The following FAM178B variants were observed in gnomAD, a reference collection of about 807,000 sequenced individuals.
The protein encoded by FAM178B is protein FAM178B.
FAM178B carries 82 observed loss-of-function variants against 91.7 expected under a neutral mutation model. The ratio of observed to expected loss-of-function variants is 0.89; its 90% CI spans 0.75 to 1.07. The LOEUF (loss-of-function observed/expected upper bound fraction) is 1.07, where lower values mean the gene tolerates loss of function less well. Ranked by LOEUF, FAM178B falls within the 50% of genes least tolerant of loss-of-function variation. The pLI is 0.00. For missense variants in FAM178B, 769 were observed against 846.7 expected, an observed-to-expected ratio of 0.91 and a Z score of 1.14; for synonymous variants, 368 against 359.4, an observed-to-expected ratio of 1.02 and a Z score of -0.27.
At position 96,910,714 on chromosome 2, in the gene FAM178B, T is replaced by C. The variant is rs79600262; in HGVS notation, c.1563-8007A>G. On this transcript the variant is annotated intron_variant, in intron 12 of 16. Coordinates refer to ENST00000490605, the MANE Select transcript of FAM178B (RefSeq NM_001122646.3). ...CTGCAGCCTTTAATGCTTCCCTTCTTTTCCTCACTGGGCTCCTTTGTAATC... is the reference window on the plus strand; with the variant it reads ...CTGCAGCCTTTAATGCTTCCCTTCTCTTCCTCACTGGGCTCCTTTGTAATC... Among the ~76,000 whole-genome samples, 358 of 152,194 alleles carry C rather than the reference T, an allele frequency of 2.4e-3. 2 individuals are homozygous for C. Among genetic ancestry groups the C allele is most frequent in the African/African-American group, 8.2e-3 (341 of 41,520 alleles).
chr2:96,946,422 G>A (rs1017768604), intron 8 of FAM178B, among the ~76,000 whole-genome samples: 9 of 152,126 alleles, frequency 5.9e-5, no homozygotes, highest in South Asian at 2.1e-4. Flanking sequence ...CTAATGGACC[G>A]GGCCTCTCAC....
intron 1 of FAM178B, among the ~76,000 whole-genome samples, chr2:96,973,988 G>T (rs573160261): frequency 6.6e-6 from 1 of 152,128 alleles, no homozygotes; most frequent in African/African-American, 2.4e-5. Context: ...GAGCAACAGA[G>T]TGAGACTCTG....
At chr2:96,897,667 C>T (rs1014565960) in intron 13 of FAM178B, among the ~76,000 whole-genome samples, 4 of 152,210 alleles carry the variant, frequency 2.6e-5, no homozygotes, top group East Asian at 3.8e-4. Context: ...CACTTCTCAC[C>T]GCCCACGCTG....
chr2:96,974,192 C>T (rs957605716), intron 1 of FAM178B, among the ~76,000 whole-genome samples: 6 of 151,334 alleles, frequency 4.0e-5, no homozygotes, highest in African/African-American at 1.5e-4. Flanking sequence ...ACCATCCTGG[C>T]TAACACAGTG....
chr2:96,951,139 C>T (rs532120216), intron 7 of FAM178B, among the ~76,000 whole-genome samples: 1 of 152,242 alleles, frequency 6.6e-6, no homozygotes, highest in East Asian at 1.9e-4. Flanking sequence ...GCAGAGGCTC[C>T]CAGCGCTCGC....
chr2:96,935,022 A>G (rs2081601336), intron 8 of FAM178B, among the ~76,000 whole-genome samples: 1 of 152,050 alleles, frequency 6.6e-6, no homozygotes, highest in African/African-American at 2.4e-5. Context: ...TGTAACTCAC[A>G]CCACTGCCTG....
intron 12 of FAM178B, among the ~76,000 whole-genome samples, chr2:96,913,321 G>C (rs1468031083): frequency 1.3e-5 from 2 of 152,162 alleles, no homozygotes; most frequent in African/African-American, 4.8e-5. Flanking sequence ...CAGCCTGAAG[G>C]GGTCAAGAGC....
Position 96,876,097 on chromosome 2 carries a change from A to C in FAM178B, c.*179T>G, listed in dbSNP as rs2080234649. ...GAGGAGAGGGGGTCGGGGCGGTGGC[A>C]GAGGCAGGCTCTTGCAGAGAGGAGA... is the stretch of plus-strand genomic sequence containing the variant. On this transcript the variant is annotated 3_prime_UTR_variant, in exon 17 of 17. Transcript: ENST00000490605. 8.0e-6 allele frequency: 5 copies of C among 626,956 alleles called. No homozygotes were observed. Among genetic ancestry groups the C allele is most frequent in the Admixed American group, 2.9e-5 (1 of 34,152 alleles). 38.8% of individuals were successfully genotyped at this position (626,956 alleles called of 1,614,324 possible).
intron 1 of FAM178B, among the ~76,000 whole-genome samples, chr2:96,974,436 T>A (rs1342764571): frequency 1.6e-5 from 2 of 124,932 alleles, no homozygotes; most frequent in Non-Finnish European, 3.5e-5. Flanking sequence ...AACAATATAC[T>A]ACAAGAAAAT....
At chr2:96,884,810 C>T (rs2080476335) in intron 14 of FAM178B, among the ~76,000 whole-genome samples, 1 of 152,222 alleles carries the variant, frequency 6.6e-6, no homozygotes, top group African/African-American at 2.4e-5. Flanking sequence ...AAGAAGGAAG[C>T]AGAGGGCGGT....
intron 9 of FAM178B, among the ~76,000 whole-genome samples, chr2:96,924,181 G>A (rs1411353325): frequency 6.6e-6 from 1 of 152,152 alleles, no homozygotes; most frequent in African/African-American, 2.4e-5. Flanking sequence ...TAGTTTTCCA[G>A]GACTTGGAAA....
intron 9 of FAM178B, among the ~76,000 whole-genome samples, chr2:96,925,414 A>G (rs2081420622): frequency 6.6e-6 from 1 of 152,174 alleles, no homozygotes; most frequent in South Asian, 2.1e-4. Context: ...CTAATGGGCA[A>G]CATAATGGGG....
intron 13 of FAM178B, among the ~76,000 whole-genome samples, chr2:96,898,414 G>T (rs940649257): frequency 1.3e-5 from 2 of 152,196 alleles, no homozygotes; most frequent in Non-Finnish European, 2.9e-5. Context: ...CAGCACTTTG[G>T]GAGGCTAAGG....
chr2:96,903,456 C>T (rs1458798318), intron 12 of FAM178B, among the ~76,000 whole-genome samples: 1 of 152,230 alleles, frequency 6.6e-6, no homozygotes, highest in Non-Finnish European at 1.5e-5. Flanking sequence ...GTTTTCTTTT[C>T]ACCCAGTATC....
chr2:96,972,123 G>T lies in FAM178B; in HGVS notation c.342C>A (p.Pro114=). Reference sequence around the variant, plus strand: ...GCACCCTCGGGTTGAGGAATTCCACGGGCGGGGGGCTCCAGTCAGTGGGAA... The same window carrying T: ...GCACCCTCGGGTTGAGGAATTCCACTGGCGGGGGGCTCCAGTCAGTGGGAA... The part of the protein sequence containing the change: ...ETFPTDWSPP[P]VEFLNPRVLQ... Residue 114 remains proline, a synonymous_variant, in exon 3 of 17, where the codon CCC becomes CCA. Coordinates refer to ENST00000490605, the MANE Select transcript of FAM178B (RefSeq NM_001122646.3). 6.6e-7 allele frequency: 1 copy of T among 1,525,120 alleles called. No homozygotes were observed. 94.5% of individuals were successfully genotyped at this position (1,525,120 alleles called of 1,614,324 possible).
At chr2:96,980,106 C>G (rs569921217) in intron 1 of FAM178B, among the ~76,000 whole-genome samples, 7 of 152,246 alleles carry the variant, frequency 4.6e-5, no homozygotes, top group Non-Finnish European at 8.8e-5. Context: ...CAGAGTCTCT[C>G]TCTGTCACCC....
chr2:96,933,892 G>T (rs1382377048), intron 8 of FAM178B, among the ~76,000 whole-genome samples: 2 of 152,250 alleles, frequency 1.3e-5, no homozygotes, highest in Non-Finnish European at 2.9e-5. Context: ...TAACTGGAGT[G>T]CGGGGCTCAC....
At chr2:96,946,034 C>T (rs1204127924) in intron 8 of FAM178B, among the ~76,000 whole-genome samples, 1 of 152,146 alleles carries the variant, frequency 6.6e-6, no homozygotes, top group Non-Finnish European at 1.5e-5. Flanking sequence ...ACCACCATTC[C>T]ACTTTCTGTC....
At chr2:96,915,299 G>A (rs988434974) in intron 12 of FAM178B, among the ~76,000 whole-genome samples, 2 of 150,396 alleles carry the variant, frequency 1.3e-5, no homozygotes, top group Non-Finnish European at 3.0e-5. Flanking sequence ...TCTATTTTTA[G>A]TAGAGACGGG....
Sources: allele counts gnomAD v4.1 joint callset (sites outside exome capture counted in the v4.1 genomes callset), GRCh38; gene constraint gnomAD v4.1.1; transcripts MANE v1.5; gene names NCBI Gene and HGNC (gene_info 2026-07-23, HGNC 2026-07-21).